PDE4D: variants seen among roughly 807,000 people sequenced by gnomAD.
PDE4D encodes 3',5'-cyclic-AMP phosphodiesterase 4D.
Under a neutral mutation model 87.4 loss-of-function variants are expected in PDE4D, and 24 were observed. That is an observed-to-expected ratio of 0.27 (90% CI 0.20 to 0.39). The LOEUF (loss-of-function observed/expected upper bound fraction) is 0.39. PDE4D is among the 10% of genes least tolerant of loss of function. The probability of loss-of-function intolerance (pLI) is 1.00; values close to 1 mark genes in which losing one functional copy is unlikely to be tolerated. For synonymous variants in PDE4D, 384 were observed against 383.2 expected (o/e 1.00, Z -0.02); for missense variants, 714 against 1,041.0 (o/e 0.69, Z 4.32).
intron 1 of PDE4D, among the ~76,000 whole-genome samples, chr5:59,785,592 G>A (rs1373655240): frequency 1.3e-5 from 2 of 152,204 alleles, no homozygotes; most frequent in African/African-American, 4.8e-5. Flanking sequence ...ATGAGGAAGA[G>A]GATGCTATGT....
intron 1 of PDE4D, among the ~76,000 whole-genome samples, chr5:59,649,905 CTTTTTTTTTTT>C (rs1156467369): frequency 4.1e-5 from 3 of 72,406 alleles, no homozygotes; most frequent in African/African-American, 2.0e-4. Context: ...GTTTGTGAAC[CTTTTTTTTTTT>C]TTTTTTTTTT....
intron 1 of PDE4D, among the ~76,000 whole-genome samples, chr5:60,328,731 A>C (rs1583436672): frequency 1.3e-5 from 2 of 152,210 alleles, no homozygotes; most frequent in East Asian, 3.8e-4. Flanking sequence ...TTTAGTAGTG[A>C]AGAATGGCAG....
At chr5:59,947,910 G>T (rs1757887363) in intron 3 of PDE4D, among the ~76,000 whole-genome samples, 1 of 152,174 alleles carries the variant, frequency 6.6e-6, no homozygotes, top group Admixed American at 6.5e-5. Flanking sequence ...AGGAGGCTGA[G>T]GCAGGAGAAT....
intron 2 of PDE4D, among the ~76,000 whole-genome samples, chr5:59,199,518 A>C (rs576239234): frequency 6.6e-6 from 1 of 152,254 alleles, no homozygotes; most frequent in Non-Finnish European, 1.5e-5. Context: ...TTAAAATAAT[A>C]TTTTTGAAAT....
At chr5:59,817,604 T>C (rs1382422987) in intron 1 of PDE4D, among the ~76,000 whole-genome samples, 3 of 152,190 alleles carry the variant, frequency 2.0e-5, no homozygotes, top group Non-Finnish European at 2.9e-5. Context: ...TATCTGAAGA[T>C]AGGGCTTTTA....
chr5:59,674,279 C>G (rs1164429316), intron 1 of PDE4D, among the ~76,000 whole-genome samples: 1 of 152,020 alleles, frequency 6.6e-6, no homozygotes, highest in Non-Finnish European at 1.5e-5. Context: ...CCACTCTGTC[C>G]CAGCAGGGTT....
At chr5:59,750,084 CT>C (rs35243469) in intron 1 of PDE4D, among the ~76,000 whole-genome samples, 29,505 of 131,266 alleles carry the variant, frequency 0.22, 3,229 homozygotes, top group South Asian at 0.32. Context: ...GAATTATGAC[CT>C]TTTTTTTTTT....
At chr5:60,453,818 G>T (rs971686446) in intron 1 of PDE4D, among the ~76,000 whole-genome samples, 4 of 152,056 alleles carry the variant, frequency 2.6e-5, no homozygotes, top group Non-Finnish European at 5.9e-5. Flanking sequence ...CAATTTCTAA[G>T]CTATCCTTTC....
intron 1 of PDE4D, among the ~76,000 whole-genome samples, chr5:59,732,358 T>C (rs1757477351): frequency 6.6e-6 from 1 of 151,382 alleles, no homozygotes; most frequent in Admixed American, 6.6e-5. Flanking sequence ...ATTTTATTGT[T>C]AAATTGCACT....
In PDE4D at chr5:59,812,628, G is replaced by A. The variant is rs766571278; in HGVS notation, c.455+80540C>T. Among the ~76,000 whole-genome samples, 9 of 151,852 alleles carry A rather than the reference G, an allele frequency of 5.9e-5. No homozygotes were observed. In the South Asian group the frequency reaches 8.3e-4, roughly 14 times the overall value. On this transcript the variant is annotated intron_variant, in intron 1 of 14. Coordinates refer to ENST00000340635, the MANE Select transcript of PDE4D (RefSeq NM_001104631.2). ...GCGGACGTTGCAGTGAGCCAAGATC[G>A]TGTCACTGTACTCCAGCCCAGGTGA...
At chr5:59,063,999 C>T (rs80117351) in intron 5 of PDE4D, among the ~76,000 whole-genome samples, 1,576 of 152,022 alleles carry the variant, frequency 0.01, 30 homozygotes, top group African/African-American at 0.036. Flanking sequence ...AATTATTGAT[C>T]TGGATTGTGA....
intron 1 of PDE4D, among the ~76,000 whole-genome samples, chr5:60,293,600 C>G (rs1753116185): frequency 6.6e-6 from 1 of 152,178 alleles, no homozygotes. Flanking sequence ...TCTCTCATCT[C>G]TCTGGTCAGT....
chr5:60,130,332 T>G (rs546336899), intron 2 of PDE4D, among the ~76,000 whole-genome samples: 1 of 152,252 alleles, frequency 6.6e-6, no homozygotes, highest in Non-Finnish European at 1.5e-5. Context: ...AAGCTTACAG[T>G]AGAAAAGTAT....
chr5:59,826,985 G>C (rs2152693387), intron 1 of PDE4D, among the ~76,000 whole-genome samples: 1 of 152,038 alleles, frequency 6.6e-6, no homozygotes, highest in Non-Finnish European at 1.5e-5. Flanking sequence ...TGAATCTAAG[G>C]AAATACACAA....
intron 3 of PDE4D, among the ~76,000 whole-genome samples, chr5:59,965,216 A>T (rs1027084487): frequency 1.3e-5 from 2 of 151,960 alleles, no homozygotes; most frequent in African/African-American, 4.8e-5. Flanking sequence ...TTCCCTCTCC[A>T]CTGAATTGTC....
intron 1 of PDE4D, among the ~76,000 whole-genome samples, chr5:59,836,736 G>T (rs967508905): frequency 7.2e-5 from 11 of 152,040 alleles, no homozygotes; most frequent in African/African-American, 2.7e-4. Flanking sequence ...GATATCTAGA[G>T]ATAGAGCAAA....
chr5:60,215,314 T>C (rs903677701), intron 1 of PDE4D, among the ~76,000 whole-genome samples: 2 of 152,064 alleles, frequency 1.3e-5, no homozygotes, highest in Non-Finnish European at 2.9e-5. Context: ...AAAAAAACTG[T>C]AGAGCAGAGG....
intron 2 of PDE4D, among the ~76,000 whole-genome samples, chr5:59,198,994 T>C (rs1176723220): frequency 5.9e-5 from 9 of 152,222 alleles, no homozygotes; most frequent in Admixed American, 5.9e-4. Context: ...TCATGATTGG[T>C]TGAAATCTTA....
chr5:59,762,261 CGT>C (rs1762090152), intron 1 of PDE4D, among the ~76,000 whole-genome samples: 1 of 43,546 alleles, frequency 2.3e-5, no homozygotes, highest in Non-Finnish European at 5.6e-5. Flanking sequence ...TACACATATG[CGT>C]ATATGTGTAT....
Sources: allele counts gnomAD v4.1 joint callset (sites outside exome capture counted in the v4.1 genomes callset), GRCh38; gene constraint gnomAD v4.1.1; transcripts MANE v1.5; gene names NCBI Gene and HGNC (gene_info 2026-07-23, HGNC 2026-07-21).